RAD54L: variants seen among roughly 807,000 people sequenced by gnomAD.
RAD54L encodes the protein DNA repair and recombination protein RAD54-like.
A neutral mutation model predicts 91.6 loss-of-function variants in RAD54L; 74 were observed. The ratio of observed to expected loss-of-function variants is 0.81; its 90% confidence interval spans 0.67 to 0.98. RAD54L has a LOEUF of 0.98. RAD54L is among the 50% of genes least tolerant of loss of function. The pLI, the probability that RAD54L is intolerant of heterozygous loss-of-function variation, is 0.00. For synonymous variants in RAD54L, 304 were observed against 349.7 expected, an observed-to-expected ratio of 0.87 and a Z score of 1.46; for missense variants, 887 against 945.7, an observed-to-expected ratio of 0.94 and a Z score of 0.81.
chr1:46,259,839 C>G, intron 4 of RAD54L, 125 bp from the exon 5 acceptor site: 1 of 1,267,942 alleles, frequency 7.9e-7, no homozygotes, highest in Admixed American at 1.7e-5. Context: ...AGTTTGGAGG[C>G]ATTCTCAGAG....
At chr1:46,270,634 T>C (rs377283616) in intron 9 of RAD54L, 25 bp from the exon 10 acceptor site, 8 of 1,613,754 alleles carry the variant, frequency 5.0e-6, no homozygotes, top group Non-Finnish European at 6.8e-6. Context: ...CACATTCTTC[T>C]GTTTTCCTTC....
chr1:46,273,312 T>C (rs779398775), intron 12 of RAD54L, 43 bp from the exon 13 acceptor site: 24 of 1,533,356 alleles, frequency 1.6e-5, no homozygotes, highest in Non-Finnish European at 2.2e-5. Context: ...AAGTGGAAAC[T>C]TCAGAAAGCA....
intron 16 of RAD54L, among the ~76,000 whole-genome samples, chr1:46,276,496 C>A (rs1472543896): frequency 6.6e-6 from 1 of 152,138 alleles, no homozygotes; most frequent in Non-Finnish European, 1.5e-5. Flanking sequence ...GCTCCATTAT[C>A]CACCCAACCC....
In RAD54L at chr1:46,267,541, G is replaced by C; in HGVS notation, c.974G>C (p.Gly325Ala). Reference protein sequence around the residue: ...LNTSRRVLISGTPIQNDLLEY... With the variant: ...LNTSRRVLISATPIQNDLLEY... ...ACCAGCCGGCGGGTGCTCATCTCCG[G>C]AACTCCCATCCAGAATGATCTGCTT... is the stretch of plus-strand genomic sequence containing the variant. The change falls in exon 9 of 18, where the codon GGA (glycine) becomes GCA (alanine). Residue 325 changes from glycine to alanine, a missense_variant. Gly to Ala is a moderately conservative substitution (Grantham distance 60). Coordinates refer to ENST00000371975, the MANE Select transcript of RAD54L (RefSeq NM_003579.4). 1.2e-6 allele frequency: 2 copies of C among 1,613,774 alleles called. No homozygotes were observed. Among genetic ancestry groups the C allele is most frequent in the Non-Finnish European group, 1.7e-6 (2 of 1,179,764 alleles).
At chr1:46,257,818 G>A (rs951856347) in intron 3 of RAD54L, among the ~76,000 whole-genome samples, 2 of 152,210 alleles carry the variant, frequency 1.3e-5, no homozygotes, top group Non-Finnish European at 2.9e-5. Context: ...CTGAGTACAA[G>A]TAAGGACCCT....
chr1:46,271,573 G>A (rs1347049824), intron 10 of RAD54L, among the ~76,000 whole-genome samples: 3 of 151,960 alleles, frequency 2.0e-5, no homozygotes, highest in Admixed American at 1.3e-4. Flanking sequence ...CTGGAGAATC[G>A]CTTGAACTCG....
intron 7 of RAD54L, 25 bp downstream of exon 7, chr1:46,261,040 T>G: frequency 6.2e-7 from 1 of 1,607,810 alleles, no homozygotes; most frequent in Non-Finnish European, 8.5e-7. Context: ...CAAAGATGGC[T>G]GCACTCTCCT....
intron 7 of RAD54L, 104 bp downstream of exon 7, chr1:46,261,119 A>C: frequency 6.5e-7 from 1 of 1,541,510 alleles, no homozygotes; most frequent in Non-Finnish European, 8.8e-7. Context: ...CAGGGGTAGA[A>C]GAAAAGAGAA....
Position 46,247,813 on chromosome 1 carries a change from T to G in RAD54L, c.-593T>G, listed in dbSNP as rs1659685137. ...AGGTTGAGAGAGAGGTGCTGGGGTC[T>G]GCGTCTATCTCTGTCGCTCTTTTCA... On this transcript the variant is annotated 5_prime_UTR_variant, in exon 1 of 18. Transcript: ENST00000371975. The G allele has an allele frequency of 1.6e-5, 3 of 189,628 alleles. No homozygotes were observed. In the Admixed American group the frequency reaches 1.6e-4, roughly 10 times the overall value. 11.7% of individuals were successfully genotyped at this position (189,628 alleles called of 1,614,324 possible). A position where few individuals can be genotyped will look rare whatever the true frequency, so the allele number is the denominator to read the frequency against.
chr1:46,252,246 G>A (rs1312881281), intron 3 of RAD54L, among the ~76,000 whole-genome samples: 1 of 152,146 alleles, frequency 6.6e-6, no homozygotes, highest in Admixed American at 6.6e-5. Flanking sequence ...TTGGAGAGCT[G>A]TGCAGTGGCT....
At position 46,270,575 on chromosome 1, in the gene RAD54L, G is replaced by T. The variant is rs1452935523; in HGVS notation, c.1043-84G>T. The T allele has an allele frequency of 1.9e-6, 3 of 1,568,810 alleles. No individual in the cohort carries two copies. In the East Asian group the frequency reaches 6.7e-5, roughly 35 times the overall value. Reference sequence around the variant, plus strand: ...TTGTTCTTGGTAGGAAGGCTGGTTTGTGAGAAGGTAGTCTGCCATCACTAG... The same window carrying T: ...TTGTTCTTGGTAGGAAGGCTGGTTTTTGAGAAGGTAGTCTGCCATCACTAG... On this transcript the variant is annotated intron_variant, in intron 9 of 17. Transcript: ENST00000371975.
rs1660662923 is a variant in RAD54L, at chr1:46,277,894, G to A, written c.1947G>A (p.Glu649=). The change falls in exon 17 of 18, where the codon GAG becomes GAA. Residue 649 remains glutamate (E), a synonymous_variant. Transcript: ENST00000371975. ...KALSSCVVDE[E]QDVERHFSLG... ...TGAGCAGCTGTGTGGTGGATGAGGA[G>A]CAGGATGTAGAGCGCCACTTCTCTC... 3.1e-6 allele frequency: 5 copies of A among 1,614,096 alleles called. No homozygotes were observed. Among genetic ancestry groups the A allele is most frequent in the Non-Finnish European group, 3.4e-6 (4 of 1,180,022 alleles).
intron 10 of RAD54L, among the ~76,000 whole-genome samples, 160 bp from the exon 11 acceptor site, chr1:46,272,306 G>A (rs1660454764): frequency 6.6e-6 from 1 of 152,102 alleles, no homozygotes; most frequent in Admixed American, 6.5e-5. Flanking sequence ...GCTTCCCAAA[G>A]TGCTGGGATT....
intron 3 of RAD54L, among the ~76,000 whole-genome samples, chr1:46,253,696 C>T (rs1251504437): frequency 7.1e-6 from 1 of 141,820 alleles, no homozygotes; most frequent in East Asian, 2.2e-4. Context: ...TATTTTTCTA[C>T]TCACAGTGAT....
chr1:46,248,577 A>G lies in RAD54L; in HGVS notation c.69A>G (p.Glu23=), dbSNP rs774041371. The G allele has an allele frequency of 6.2e-7, 1 of 1,614,152 alleles. No homozygotes were observed. The highest frequency in any genetic ancestry group is 8.5e-7 in the Non-Finnish European group (1 of 1,180,038). ...RKPEGRSCDD[E]DWQPGLVTPR... ...CTGAAGGCAGGTCCTGTGATGATGA[A>G]GACTGGCAACCTGGCCTAGTGGTGA... The change falls in exon 2 of 18, where the codon GAA becomes GAG. Residue 23 remains glutamate (E), a synonymous_variant. Transcript: ENST00000371975.
At chr1:46,254,286 C>CTT (rs146859919) in intron 3 of RAD54L, among the ~76,000 whole-genome samples, 3 of 145,206 alleles carry the variant, frequency 2.1e-5, no homozygotes, top group African/African-American at 2.5e-5. Flanking sequence ...CTTTTTTTTT[C>CTT]TTTTTTTTTT....
At chr1:46,264,110 A>C (rs1660203927) in intron 8 of RAD54L, among the ~76,000 whole-genome samples, 1 of 152,034 alleles carries the variant, frequency 6.6e-6, no homozygotes, top group South Asian at 2.1e-4. Flanking sequence ...TCTACTCCTT[A>C]GTGTTTTTTT....
Position 46,275,374 on chromosome 1 carries a change from C to G in RAD54L, c.1869+657C>G, listed in dbSNP as rs572711310. ...AATAACTGTCATTCTACTTTCACTT[C>G]TTGTCCTCCTAGCTTTCACATACCT... On this transcript the variant is annotated intron_variant, in intron 16 of 17. Coordinates refer to ENST00000371975, the MANE Select transcript of RAD54L (RefSeq NM_003579.4). Among the ~76,000 whole-genome samples, 5 of 152,298 alleles carry G rather than the reference C, an allele frequency of 3.3e-5. No individual in the cohort carries two copies. In the South Asian group the frequency reaches 1.0e-3, roughly 32 times the overall value.
At chr1:46,277,670 G>A (rs1660652095) in intron 16 of RAD54L, 147 bp from the exon 17 acceptor site, 1 of 909,258 alleles carries the variant, frequency 1.1e-6, no homozygotes, top group South Asian at 1.5e-5. Context: ...CCTCAGCTGA[G>A]TAGAGATAAT....
Sources: allele counts gnomAD v4.1 joint callset (sites outside exome capture counted in the v4.1 genomes callset), GRCh38; gene constraint gnomAD v4.1.1; transcripts MANE v1.5; gene names NCBI Gene and HGNC (gene_info 2026-07-23, HGNC 2026-07-21).